UBE3D: variants seen among roughly 807,000 people sequenced by gnomAD.
UBE3D encodes the protein ubiquitin protein ligase E3D.
A neutral mutation model predicts 49.6 loss-of-function variants in UBE3D; 48 were observed. The ratio of observed to expected loss-of-function variants is 0.97; its 90% confidence interval spans 0.77 to 1.23. UBE3D has a LOEUF of 1.23. UBE3D is among the 50% of genes most tolerant of loss of function. The pLI, the probability that UBE3D is intolerant of heterozygous loss-of-function variation, is 0.00. For synonymous variants in UBE3D, 189 were observed against 174.2 expected (o/e 1.08, Z -0.67); for missense variants, 452 against 468.4 (o/e 0.96, Z 0.32).
chr6:82,997,587 C>T (rs1006886767), intron 8 of UBE3D, among the ~76,000 whole-genome samples: 5 of 151,834 alleles, frequency 3.3e-5, no homozygotes, highest in African/African-American at 1.2e-4. Context: ...GGCATGGTGG[C>T]GGGTGCCTGT....
Position 83,057,916 on chromosome 6 carries a change from T to C in UBE3D, c.184A>G (p.Arg62Gly), listed in dbSNP as rs1783917836. The change falls in exon 2 of 10, where the codon AGG becomes GGG. Residue 62 changes from arginine to glycine, a missense_variant. Coordinates refer to ENST00000369747, the MANE Select transcript of UBE3D (RefSeq NM_198920.3). The part of the protein sequence containing the change: ...CTEIQLPAEV[R>G]LVPSSCRGLQ... Reference sequence around the variant, plus strand: ...CCACGGCAAGAGGAAGGTACAAGCCTGACCTCTGCTGGAAGCTGGATTTCT... The same window carrying C: ...CCACGGCAAGAGGAAGGTACAAGCCCGACCTCTGCTGGAAGCTGGATTTCT... 1 of 1,614,102 alleles carries C rather than the reference T, an allele frequency of 6.2e-7. No individual in the cohort carries two copies. Among genetic ancestry groups the C allele is most frequent in the Non-Finnish European group, 8.5e-7 (1 of 1,180,052 alleles).
intron 9 of UBE3D, among the ~76,000 whole-genome samples, chr6:82,931,823 T>TGTGA (rs1358336651): frequency 2.6e-5 from 4 of 152,146 alleles, no homozygotes; most frequent in African/African-American, 9.7e-5. Flanking sequence ...GGTTTTGAAA[T>TGTGA]GTGAGTACAT....
At chr6:82,952,806 A>G (rs966688758) in intron 9 of UBE3D, among the ~76,000 whole-genome samples, 5 of 152,164 alleles carry the variant, frequency 3.3e-5, no homozygotes, top group African/African-American at 1.2e-4. Context: ...CAACTAAGAA[A>G]TCAGAATTTC....
chr6:83,063,412 T>TTAAAAA (rs1784297467), intron 1 of UBE3D, among the ~76,000 whole-genome samples: 1 of 45,496 alleles, frequency 2.2e-5, no homozygotes. Context: ...AGACGCTGTC[T>TTAAAAA]AAAAAAAAAA....
intron 3 of UBE3D, among the ~76,000 whole-genome samples, chr6:83,053,195 C>T (rs548020052): frequency 2.5e-4 from 1 of 4,078 alleles, no homozygotes; most frequent in African/African-American, 6.8e-4. Flanking sequence ...CCAAGACAGC[C>T]GAAGGCTTGG....
intron 9 of UBE3D, among the ~76,000 whole-genome samples, chr6:82,910,120 G>T (rs1216234016): frequency 1.3e-5 from 2 of 152,146 alleles, no homozygotes; most frequent in African/African-American, 4.8e-5. Context: ...CTTTGCCTGT[G>T]ACACAGTCCA....
At position 82,907,057 on chromosome 6, in the gene UBE3D, C is replaced by A. The variant is rs573132285; in HGVS notation, c.1150-14015G>T. Among the ~76,000 whole-genome samples, 109 of 152,184 alleles carry A rather than the reference C, an allele frequency of 7.2e-4. 1 individual carries two copies. The highest frequency in any genetic ancestry group is 2.5e-3 in the African/African-American group (105 of 41,526). Reference sequence around the variant, plus strand: ...CTTTTTAAACTAGGTAAAGACATTCCTGTATGGGTAAAAGAAAAATGGAGG... The same window carrying A: ...CTTTTTAAACTAGGTAAAGACATTCATGTATGGGTAAAAGAAAAATGGAGG... On this transcript the variant is annotated intron_variant, in intron 9 of 9. Coordinates refer to ENST00000369747, the MANE Select transcript of UBE3D (RefSeq NM_198920.3).
intron 9 of UBE3D, among the ~76,000 whole-genome samples, chr6:82,926,356 T>C (rs1773749570): frequency 6.6e-6 from 1 of 152,170 alleles, no homozygotes; most frequent in African/African-American, 2.4e-5. Flanking sequence ...AGTTTATCCA[T>C]TCACCTATAG....
rs148110643 is a variant in UBE3D, at chr6:83,011,585, T to C, written c.1010+7388A>G. ...CTTCCTTACTTCCATTGTGGAGTAG[T>C]AGACTGATTTCATCTTGACAGTCCA... On this transcript the variant is annotated intron_variant, in intron 8 of 9. Transcript: ENST00000369747. Among the ~76,000 whole-genome samples the C allele has an allele frequency of 4.6e-3, 700 of 152,320 alleles. 8 individuals carry two copies. The highest frequency in any genetic ancestry group is 0.016 in the African/African-American group (661 of 41,578).
chr6:83,056,707 G>A (rs1269715237), intron 2 of UBE3D, among the ~76,000 whole-genome samples: 3 of 152,052 alleles, frequency 2.0e-5, no homozygotes, highest in African/African-American at 7.2e-5. Context: ...CCTCACAAAA[G>A]CCAAGAGCAC....
In UBE3D at chr6:82,957,277, A is replaced by G. The variant is rs749236719; in HGVS notation, c.1149+35T>C. The stretch of plus-strand genomic sequence containing the variant: ...TAAAAAATAATTCCAAGTAAAACTG[A>G]GAAATCACGGCCTAGAAAAGAAGCC... On this transcript the variant is annotated intron_variant, in intron 9 of 9. Coordinates refer to ENST00000369747, the MANE Select transcript of UBE3D (RefSeq NM_198920.3). 4.4e-6 allele frequency: 7 copies of G among 1,601,828 alleles called. No individual in the cohort carries two copies. In the Admixed American group the frequency reaches 1.2e-4, roughly 27 times the overall value.
At chr6:82,882,469 A>G in the UBE3D span, among the ~76,000 whole-genome samples, 1 of 152,158 alleles carries the variant, frequency 6.6e-6, no homozygotes, top group South Asian at 2.1e-4. Flanking sequence ...CACTTTCCCA[A>G]GCTAAAAAAG....
chr6:82,881,992 C>T, the UBE3D span, among the ~76,000 whole-genome samples: 2 of 152,202 alleles, frequency 1.3e-5, no homozygotes. Context: ...ACACCCAGAA[C>T]TTTCCTTCCT....
intron 9 of UBE3D, among the ~76,000 whole-genome samples, chr6:82,894,259 A>T (rs1771148952): frequency 6.6e-6 from 1 of 152,048 alleles, no homozygotes; most frequent in South Asian, 2.1e-4. Context: ...ACCATGAGAA[A>T]CATCCTGCCC....
At chr6:83,046,594 T>C (rs1783050780) in intron 3 of UBE3D, among the ~76,000 whole-genome samples, 1 of 135,066 alleles carries the variant, frequency 7.4e-6, no homozygotes, top group African/African-American at 2.7e-5. Context: ...GTAAGAAATA[T>C]AGACCTACAA....
chr6:82,891,500 G>A (rs1231207131), downstream of UBE3D, among the ~76,000 whole-genome samples: 1 of 152,190 alleles, frequency 6.6e-6, no homozygotes, highest in Non-Finnish European at 1.5e-5. Flanking sequence ...CTCTTCTGTG[G>A]CTGTGAGTCT....
At chr6:83,005,311 TA>T (rs547244727) in intron 8 of UBE3D, among the ~76,000 whole-genome samples, 3,970 of 146,106 alleles carry the variant, frequency 0.027, 189 homozygotes, top group African/African-American at 0.091. Context: ...CGGCTATTAT[TA>T]AAAAAAAAAA....
At chr6:83,056,074 CACAA>C (rs1470678801) in intron 2 of UBE3D, among the ~76,000 whole-genome samples, 21 of 152,292 alleles carry the variant, frequency 1.4e-4, no homozygotes, top group African/African-American at 4.6e-4. Flanking sequence ...GACCAGTGAA[CACAA>C]ACAATATGCA....
chr6:83,018,913 C>T (rs1780879414), intron 8 of UBE3D, 60 bp downstream of exon 8: 1 of 1,589,060 alleles, frequency 6.3e-7, no homozygotes, highest in Admixed American at 1.8e-5. Context: ...TTTCTTAACA[C>T]CAACATGACA....
Sources: gnomAD v4.1 joint callset for allele counts (sites outside exome capture counted in the v4.1 genomes callset) on GRCh38, gnomAD v4.1.1 for gene constraint, MANE v1.5 for transcripts, NCBI Gene and HGNC (gene_info 2026-07-23, HGNC 2026-07-21) for gene names.